The following PRSS55 variants were observed in gnomAD, a reference collection of about 807,000 sequenced individuals.
PRSS55 encodes the protein serine protease 55, also known as probable serine protease UNQ9391/PRO34284.
In PRSS55, 41 loss-of-function variants were observed where a neutral mutation model predicts 23.6. The ratio of observed to expected loss-of-function variants is 1.74; its 90% CI spans 1.35 to 2.26. The LOEUF (loss-of-function observed/expected upper bound fraction) is 2.26, where lower values mean the gene tolerates loss of function less well. Among genes scored for constraint, PRSS55 ranks in the 30% most tolerant of loss-of-function variants. The pLI is 0.00. For missense variants in PRSS55, 669 were observed against 439.1 expected, an observed-to-expected ratio of 1.52 and a Z score of -4.68; for synonymous variants, 262 against 175.5, an observed-to-expected ratio of 1.49 and a Z score of -3.90.
intron 4 of PRSS55, among the ~76,000 whole-genome samples, chr8:10,549,398 G>A (rs1812901638): frequency 6.6e-6 from 1 of 152,242 alleles, no homozygotes; most frequent in Non-Finnish European, 1.5e-5. Context: ...GGGGTGGCCT[G>A]TAGGGATGGC....
chr8:10,530,715 G>A (rs974896066), intron 2 of PRSS55, among the ~76,000 whole-genome samples: 1 of 152,052 alleles, frequency 6.6e-6, no homozygotes, highest in Non-Finnish European at 1.5e-5. Flanking sequence ...GATTTTAGAA[G>A]GTTAATCAAA....
At position 10,538,604 on chromosome 8, in the gene PRSS55, C is replaced by G; in HGVS notation, c.870C>G (p.Asn290Lys). The change falls in exon 5 of 5, where the codon AAC (asparagine) becomes AAG (lysine). Residue 290 changes from asparagine (N) to lysine (K), a missense_variant. Asn to Lys is a moderately conservative substitution (Grantham distance 94). Coordinates refer to ENST00000328655, the MANE Select transcript of PRSS55 (RefSeq NM_198464.4). ...NTPGIYTSLV[N>K]YNLWIEKVTQ... ...CAGGGATATACACCTCGTTGGTGAACTACAACCTCTGGATCGAGAAAGTGA... is the reference window on the plus strand; with the variant it reads ...CAGGGATATACACCTCGTTGGTGAAGTACAACCTCTGGATCGAGAAAGTGA... 6.2e-7 allele frequency: 1 copy of G among 1,614,166 alleles called. No homozygotes were observed.
intron 1 of PRSS55, among the ~76,000 whole-genome samples, chr8:10,526,983 A>G (rs1812046995): frequency 6.6e-6 from 1 of 152,214 alleles, no homozygotes; most frequent in Non-Finnish European, 1.5e-5. Flanking sequence ...CATGTTCTGC[A>G]TCTCAGACAG....
chr8:10,552,744 C>T (rs193198474), intron 4 of PRSS55, among the ~76,000 whole-genome samples: 17 of 152,282 alleles, frequency 1.1e-4, no homozygotes, highest in Admixed American at 1.1e-3. Context: ...GTTAGAATGG[C>T]TGTTGTCAAA....
chr8:10,536,296 A>T (rs898263530), intron 4 of PRSS55, among the ~76,000 whole-genome samples: 4 of 152,346 alleles, frequency 2.6e-5, no homozygotes, highest in Admixed American at 2.6e-4. Context: ...GAGAAATGCA[A>T]ATCAAAGCCA....
downstream of PRSS55, among the ~76,000 whole-genome samples, chr8:10,543,602 T>C (rs781733435): frequency 6.6e-5 from 10 of 151,654 alleles, no homozygotes; most frequent in Non-Finnish European, 1.5e-4. Flanking sequence ...TGGTTTCTAG[T>C]ATTCTCTGTT....
At chr8:10,546,481 C>T (rs1210664415) in intron 4 of PRSS55, among the ~76,000 whole-genome samples, 1 of 152,130 alleles carries the variant, frequency 6.6e-6, no homozygotes. Flanking sequence ...CTTTTGAATG[C>T]CTCTGCAGTA....
Position 10,531,467 on chromosome 8 carries a change from C to A in PRSS55, c.520C>A (p.Pro174Thr), listed in dbSNP as rs746519268. 41 of 1,613,954 alleles carry A rather than the reference C, an allele frequency of 2.5e-5. No homozygotes were observed. The highest frequency in any genetic ancestry group is 3.2e-5 in the Non-Finnish European group (38 of 1,180,062). ...SPIKLDDLKV[P>T]ICLPTQPGPA... ...CATCAAGCTCGATGACCTGAAGGTG[C>A]CCATCTGCCTCCCCACGCAGCCCGG... The change falls in exon 3 of 5, where the codon CCC becomes ACC. Residue 174 changes from proline to threonine, a missense_variant. Coordinates refer to ENST00000328655, the MANE Select transcript of PRSS55 (RefSeq NM_198464.4).
intron 2 of PRSS55, among the ~76,000 whole-genome samples, chr8:10,530,600 C>A (rs1032440354): frequency 3.9e-5 from 6 of 152,144 alleles, no homozygotes; most frequent in African/African-American, 1.4e-4. Flanking sequence ...TGAGGCTGCT[C>A]ACCCACAGTA....
downstream of PRSS55, among the ~76,000 whole-genome samples, chr8:10,541,960 G>A (rs1302779642): frequency 2.0e-5 from 3 of 152,030 alleles, 1 homozygote; most frequent in Non-Finnish European, 4.4e-5. Flanking sequence ...ATTTTTTGTA[G>A]AGATGGGAGT....
At chr8:10,529,419 C>G (rs1812161230) in intron 1 of PRSS55, 88 bp from the exon 2 acceptor site, 3 of 1,341,710 alleles carry the variant, frequency 2.2e-6, no homozygotes. Context: ...CACTTGGAAG[C>G]CTGCTCCTCC....
chr8:10,530,556 C>T (rs1488624164), intron 2 of PRSS55, among the ~76,000 whole-genome samples: 4 of 151,798 alleles, frequency 2.6e-5, no homozygotes, highest in South Asian at 4.1e-4. Context: ...GAATAGCCCT[C>T]GTTTATAGAT....
rs781366345 is a variant in PRSS55 at position 10,553,959 on chromosome 8, C to G, written c.758C>G (p.Thr253Ser). ...TTTTTAAAGCAAAGCTATTTTCCCA[C>G]TTTACAAAGAATGAACACCGGAAGC... Residue 253 changes from threonine (T) to serine (S), a missense_variant, in exon 5 of 5, where the codon ACT becomes AGT. Physicochemically the swap from Thr to Ser is moderately conservative, Grantham distance 58. Coordinates refer to the PRSS55 transcript ENST00000522210. The G allele has an allele frequency of 7.7e-5, 118 of 1,524,276 alleles. No homozygotes were observed. In the African/African-American group the frequency reaches 1.5e-3, roughly 19 times the overall value. The allele number at this position is 1,524,276 out of a possible 1,614,324, so 94.4% of individuals were successfully genotyped here.
At chr8:10,544,255 T>C (rs139383657) in intron 4 of PRSS55, among the ~76,000 whole-genome samples, 70 of 152,336 alleles carry the variant, frequency 4.6e-4, no homozygotes, top group Middle Eastern at 3.4e-3. Flanking sequence ...TCATTGACCC[T>C]TTAGTCATTA....
At chr8:10,538,924 C>A, downstream of PRSS55, 9 of 893,150 alleles carry the variant, frequency 1.0e-5, no homozygotes, top group Non-Finnish European at 1.5e-5. Context: ...AGAGAGTCAC[C>A]CTGGGTCCCT....
chr8:10,542,615 C>G (rs186027063), downstream of PRSS55, among the ~76,000 whole-genome samples: 1 of 151,872 alleles, frequency 6.6e-6, no homozygotes, highest in Non-Finnish European at 1.5e-5. Context: ...CATGTCTAAT[C>G]CCAGCACTTT....
intron 1 of PRSS55, among the ~76,000 whole-genome samples, chr8:10,529,238 G>T (rs992537741): frequency 1.3e-5 from 2 of 152,218 alleles, no homozygotes; most frequent in African/African-American, 2.4e-5. Flanking sequence ...GCTCAGTGAA[G>T]TGACTCTCCT....
intron 4 of PRSS55, among the ~76,000 whole-genome samples, chr8:10,536,687 A>C (rs201083312): frequency 0.19 from 29,043 of 152,062 alleles, 2,997 homozygotes; most frequent in East Asian, 0.33. Flanking sequence ...CGAAGCCATA[A>C]AAAAAAACAA....
At chr8:10,531,246 A>G (rs1812246318) in intron 2 of PRSS55, 49 bp from the exon 3 acceptor site, 1 of 1,603,536 alleles carries the variant, frequency 6.2e-7, no homozygotes, top group Non-Finnish European at 8.5e-7. Context: ...GCCGCTTTTG[A>G]GACTTCCCTT....
Sources: allele counts gnomAD v4.1 joint callset (sites outside exome capture counted in the v4.1 genomes callset), GRCh38; gene constraint gnomAD v4.1.1; transcripts MANE v1.5; gene names NCBI Gene and HGNC (gene_info 2026-07-23, HGNC 2026-07-21).